CCDC181: variants seen among roughly 807,000 people sequenced by gnomAD.
CCDC181 encodes coiled-coil domain-containing protein 181.
In CCDC181, 35 loss-of-function variants were observed where a neutral mutation model predicts 58.7. The ratio of observed to expected loss-of-function variants is 0.60; its 90% CI spans 0.46 to 0.79. CCDC181 has a LOEUF of 0.79. CCDC181 is among the 30% of genes least tolerant of loss of function. The probability of loss-of-function intolerance (pLI) is 0.00; values close to 1 mark genes in which losing one functional copy is unlikely to be tolerated. For missense variants in CCDC181, 517 were observed against 583.9 expected (o/e 0.89, Z 1.18); for synonymous variants, 183 against 197.5 (o/e 0.93, Z 0.62).
At position 169,416,388 on chromosome 1, in the gene CCDC181, G is replaced by A. The variant is rs114114393; in HGVS notation, c.1215+2625C>T. Among the ~76,000 whole-genome samples the A allele has an allele frequency of 2.0e-3, 301 of 152,162 alleles. 4 individuals carry two copies. The highest frequency in any genetic ancestry group is 7.0e-3 in the African/African-American group (291 of 41,498). On this transcript the variant is annotated intron_variant, in intron 4 of 5. Transcript: ENST00000367806. ...TCACATGCTTATTATGTTTTTTTCC[G>A]ATAGGAGCCTCTGAGCCCCCCTGCT...
intron 4 of CCDC181, among the ~76,000 whole-genome samples, chr1:169,406,049 C>T (rs924553962): frequency 9.9e-5 from 15 of 152,194 alleles, no homozygotes; most frequent in African/African-American, 1.2e-4. Flanking sequence ...TGAAAAAAGG[C>T]TCATCATCAC....
intron 2 of CCDC181, among the ~76,000 whole-genome samples, chr1:169,449,599 G>A (rs1455390483): frequency 2.0e-5 from 3 of 152,198 alleles, no homozygotes; most frequent in African/African-American, 4.8e-5. Context: ...GTCTGTGGCC[G>A]AAGGCCTAAG....
At chr1:169,441,561 C>T (rs1239652157) in intron 2 of CCDC181, among the ~76,000 whole-genome samples, 1 of 152,020 alleles carries the variant, frequency 6.6e-6, no homozygotes, top group African/African-American at 2.4e-5. Flanking sequence ...TTCCTTCTCC[C>T]CTCTAAAGTG....
At chr1:169,404,671 A>G (rs150986697) in intron 4 of CCDC181, among the ~76,000 whole-genome samples, 2,209 of 152,344 alleles carry the variant, frequency 0.015, 58 homozygotes, top group African/African-American at 0.05. Context: ...CAAAATAATG[A>G]GAGCTATTTA....
At chr1:169,430,419 A>G (rs978188639), upstream of CCDC181, among the ~76,000 whole-genome samples, 8 of 152,338 alleles carry the variant, frequency 5.3e-5, no homozygotes, top group South Asian at 2.1e-4. Flanking sequence ...CTACCCATCT[A>G]TGAGCATGGG....
At chr1:169,408,578 C>G (rs1158842095) in intron 4 of CCDC181, among the ~76,000 whole-genome samples, 1 of 152,218 alleles carries the variant, frequency 6.6e-6, no homozygotes. Flanking sequence ...CAGTGGGTCC[C>G]TAACCCCCGC....
At chr1:169,445,529 G>T (rs768425212) in intron 2 of CCDC181, among the ~76,000 whole-genome samples, 10 of 152,224 alleles carry the variant, frequency 6.6e-5, no homozygotes, top group Middle Eastern at 3.4e-3. Context: ...TACATTGGTG[G>T]ATTTGATTCA....
chr1:169,438,482 A>T (rs1051786555), intron 2 of CCDC181, among the ~76,000 whole-genome samples: 6 of 152,228 alleles, frequency 3.9e-5, no homozygotes, highest in Admixed American at 3.9e-4. Context: ...ATGAAGCCAT[A>T]GGCAAAAGAT....
intron 4 of CCDC181, among the ~76,000 whole-genome samples, chr1:169,400,633 A>T (rs1655285834): frequency 6.6e-6 from 1 of 152,242 alleles, no homozygotes; most frequent in Non-Finnish European, 1.5e-5. Flanking sequence ...ACAGGTGAAT[A>T]TAATGAATAA....
At chr1:169,433,166 CAGTT>C (rs1232396375) in intron 2 of CCDC181, among the ~76,000 whole-genome samples, 8 of 151,918 alleles carry the variant, frequency 5.3e-5, no homozygotes, top group Non-Finnish European at 1.2e-4. Context: ...CACATAAAGT[CAGTT>C]GTATTTCTAT....
intron 3 of CCDC181, among the ~76,000 whole-genome samples, chr1:169,419,930 A>C (rs1276454961): frequency 6.6e-6 from 1 of 152,226 alleles, no homozygotes; most frequent in Non-Finnish European, 1.5e-5. Context: ...CCTGAAACCA[A>C]CTAAAACATG....
intron 4 of CCDC181, among the ~76,000 whole-genome samples, chr1:169,411,037 G>A (rs554724285): frequency 4.0e-4 from 61 of 152,190 alleles, no homozygotes; most frequent in African/African-American, 1.4e-3. Flanking sequence ...AAATAACTAA[G>A]ATCAGAGCAG....
chr1:169,450,030 T>C (rs574752961), intron 2 of CCDC181, among the ~76,000 whole-genome samples: 1 of 152,178 alleles, frequency 6.6e-6, no homozygotes. Flanking sequence ...CCGATTGATA[T>C]GGGGGTGAAG....
chr1:169,443,570 A>T (rs1439163872), intron 2 of CCDC181, among the ~76,000 whole-genome samples: 1 of 152,156 alleles, frequency 6.6e-6, no homozygotes, highest in Non-Finnish European at 1.5e-5. Context: ...CTCCTTGAAA[A>T]TATCTACCCA....
intron 2 of CCDC181, among the ~76,000 whole-genome samples, chr1:169,453,495 T>G (rs377132657): frequency 1.3e-5 from 2 of 152,102 alleles, no homozygotes; most frequent in African/African-American, 4.8e-5. Context: ...CCTAGAAGAA[T>G]GTGAATGACA....
At chr1:169,426,979 C>A (rs1027484857) in intron 1 of CCDC181, among the ~76,000 whole-genome samples, 1 of 152,092 alleles carries the variant, frequency 6.6e-6, no homozygotes, top group African/African-American at 2.4e-5. Context: ...CTTTTTCTCC[C>A]AGGGACAAAA....
intron 2 of CCDC181, among the ~76,000 whole-genome samples, chr1:169,446,470 G>T (rs903858818): frequency 1.3e-4 from 20 of 151,912 alleles, no homozygotes; most frequent in African/African-American, 4.8e-4. Flanking sequence ...TAAATAAATT[G>T]CCCTTCTTCA....
At chr1:169,434,604 T>A (rs2138895) in intron 2 of CCDC181, among the ~76,000 whole-genome samples, 101,527 of 151,838 alleles carry the variant, frequency 0.67, 34,171 homozygotes, top group East Asian at 0.93. Context: ...TTCAGCCTTT[T>A]AAAGGAAGGA....
intron 2 of CCDC181, among the ~76,000 whole-genome samples, chr1:169,438,950 A>G (rs1176017654): frequency 2.0e-5 from 3 of 152,138 alleles, no homozygotes; most frequent in African/African-American, 7.2e-5. Flanking sequence ...CTTCCAAACT[A>G]TCCTCCTATT....
Sources: allele counts gnomAD v4.1 joint callset (sites outside exome capture counted in the v4.1 genomes callset), GRCh38; gene constraint gnomAD v4.1.1; transcripts MANE v1.5; gene names NCBI Gene and HGNC (gene_info 2026-07-23, HGNC 2026-07-21).